Variants in PPP1R1C observed in about 807,000 individuals in gnomAD.
PPP1R1C encodes the protein protein phosphatase 1 regulatory subunit 1C.
A neutral mutation model predicts 17.4 loss-of-function variants in PPP1R1C; 15 were observed. The ratio of observed to expected loss-of-function variants is 0.86; its 90% CI spans 0.58 to 1.33. The LOEUF (loss-of-function observed/expected upper bound fraction) is 1.33. PPP1R1C is among the 40% of genes most tolerant of loss of function. The pLI is 0.00. For missense variants in PPP1R1C, 143 were observed against 130.0 expected (o/e 1.10, Z -0.48); for synonymous variants, 35 against 43.1 (o/e 0.81, Z 0.73).
downstream of PPP1R1C, among the ~76,000 whole-genome samples, chr2:182,122,553 T>C (rs1689758672): frequency 7.2e-5 from 11 of 152,168 alleles, no homozygotes; most frequent in Admixed American, 7.2e-4. Context: ...ACTAGTTTTT[T>C]GTTTTTTTGA....
At chr2:182,121,995 C>T (rs949620497), downstream of PPP1R1C, among the ~76,000 whole-genome samples, 3 of 152,170 alleles carry the variant, frequency 2.0e-5, no homozygotes, top group Non-Finnish European at 4.4e-5. Flanking sequence ...CTTCTCTTCT[C>T]CTCCTGGCCA....
chr2:182,115,977 G>A (rs370028943), intron 4 of PPP1R1C, among the ~76,000 whole-genome samples: 5 of 151,986 alleles, frequency 3.3e-5, no homozygotes, highest in South Asian at 4.1e-4. Context: ...AATTGCCCAC[G>A]TTAACTATCA....
At chr2:182,040,399 A>G (rs757976263) in intron 2 of PPP1R1C, among the ~76,000 whole-genome samples, 5 of 152,122 alleles carry the variant, frequency 3.3e-5, no homozygotes, top group African/African-American at 9.7e-5. Flanking sequence ...TTCCCTGATG[A>G]TTAGTGATAT....
In PPP1R1C at chr2:182,108,276, T is replaced by C. The variant is rs1277514304; in HGVS notation, c.242-8931T>C. On this transcript the variant is annotated intron_variant, in intron 4 of 4. Transcript: ENST00000682840. ...GTTCCTATAGCTAATACAGTATTTC[T>C]TAGCTCTCTCTTGCAGAAGAACTTC... is the stretch of plus-strand genomic sequence containing the variant. Among the ~76,000 whole-genome samples the C allele has an allele frequency of 2.6e-5, 4 of 152,184 alleles. No homozygotes were observed. The East Asian group carries it at 5.8e-4, about 22-fold the overall frequency.
intron 4 of PPP1R1C, chr2:182,103,924 T>A (rs759800116): frequency 6.6e-5 from 10 of 152,260 alleles, no homozygotes; most frequent in Admixed American, 2.6e-4. Context: ...AAAGTTTCAG[T>A]AACAGGAGAA....
chr2:182,063,821 A>G, intron 4 of PPP1R1C, 30 bp downstream of exon 4: 1 of 1,577,204 alleles, frequency 6.3e-7, no homozygotes, highest in Non-Finnish European at 8.7e-7. Flanking sequence ...TCGGGTTGTC[A>G]TGAGTGGTGA....
At chr2:182,045,780 A>C (rs546379184) in intron 2 of PPP1R1C, among the ~76,000 whole-genome samples, 1 of 152,272 alleles carries the variant, frequency 6.6e-6, no homozygotes, top group South Asian at 2.1e-4. Context: ...TGATTCATCC[A>C]TGCAAGATAT....
At chr2:182,118,487 T>C (rs571358889), downstream of PPP1R1C, among the ~76,000 whole-genome samples, 4 of 151,982 alleles carry the variant, frequency 2.6e-5, no homozygotes, top group Non-Finnish European at 5.9e-5. Flanking sequence ...GGATAAAAAA[T>C]AAAAAGATTT....
intron 5 of PPP1R1C, among the ~76,000 whole-genome samples, chr2:182,126,172 A>G (rs1036085900): frequency 1.3e-5 from 2 of 152,008 alleles, no homozygotes; most frequent in Non-Finnish European, 1.5e-5. Context: ...TATTTTTTTA[A>G]AAGTCTTTAT....
At chr2:182,045,187 G>A (rs575442892) in intron 2 of PPP1R1C, among the ~76,000 whole-genome samples, 2 of 152,100 alleles carry the variant, frequency 1.3e-5, no homozygotes, top group Admixed American at 1.3e-4. Context: ...TAAGATTTTC[G>A]GGATAGGTAA....
At chr2:182,037,064 A>C (rs918698396) in intron 2 of PPP1R1C, among the ~76,000 whole-genome samples, 2 of 152,222 alleles carry the variant, frequency 1.3e-5, no homozygotes, top group Admixed American at 1.3e-4. Context: ...AAAATAACAT[A>C]CCATTAAACA....
intron 2 of PPP1R1C, among the ~76,000 whole-genome samples, chr2:182,025,165 A>G (rs917104834): frequency 6.7e-6 from 1 of 148,270 alleles, no homozygotes; most frequent in Non-Finnish European, 1.5e-5. Context: ...CCAAACCTCA[A>G]GTAAATAAAA....
chr2:182,003,821 T>G (rs1316271246), intron 2 of PPP1R1C, among the ~76,000 whole-genome samples: 2 of 152,118 alleles, frequency 1.3e-5, no homozygotes, highest in African/African-American at 4.8e-5. Context: ...CATCCCCTTT[T>G]CATTAACTTT....
At position 181,986,125 on chromosome 2, in the gene PPP1R1C, T is replaced by C. The variant is rs778939914; in HGVS notation, c.15T>C (p.Ser5=). The C allele has an allele frequency of 9.9e-6, 16 of 1,613,484 alleles. No individual in the cohort carries two copies. The East Asian group carries it at 3.6e-4, about 36-fold the overall frequency. The stretch of plus-strand genomic sequence containing the variant: ...TCATCATTACCATGGAGCCCAACAG[T>C]CCCAAAAAGATACAGTTTGCCGTGC... MEPN[S]PKKIQFAVPV... The change falls in exon 1 of 5, where the codon AGT becomes AGC. Residue 5 remains serine, a synonymous_variant. Coordinates refer to ENST00000682840, the MANE Select transcript of PPP1R1C (RefSeq NM_001080545.3).
intron 2 of PPP1R1C, among the ~76,000 whole-genome samples, chr2:182,034,339 T>C (rs569473228): frequency 6.6e-6 from 1 of 152,078 alleles, no homozygotes; most frequent in East Asian, 1.9e-4. Context: ...GTCTAGGTGG[T>C]CCAAGAGGGC....
chr2:182,123,979 G>A (rs1448429033), intron 5 of PPP1R1C, among the ~76,000 whole-genome samples: 1 of 152,052 alleles, frequency 6.6e-6, no homozygotes, highest in Non-Finnish European at 1.5e-5. Flanking sequence ...GGGTTTTTAT[G>A]GTTTTAGTTC....
chr2:182,030,659 T>A, intron 2 of PPP1R1C, among the ~76,000 whole-genome samples: 2 of 147,244 alleles, frequency 1.4e-5, no homozygotes, highest in South Asian at 2.2e-4. Flanking sequence ...GTTACTGCTG[T>A]CTTTTTGTTT....
At position 182,063,607 on chromosome 2, in the gene PPP1R1C, C is replaced by T. The variant is rs1052879853; in HGVS notation, c.181-124C>T. ...ATTTCTCATTAATTAGATTCTATTT[C>T]ATGACAGGGAGAAATCAGAAAGCTT... On this transcript the variant is annotated intron_variant, in intron 3 of 4. Coordinates refer to ENST00000682840, the MANE Select transcript of PPP1R1C (RefSeq NM_001080545.3). The T allele has an allele frequency of 1.1e-5, 8 of 750,900 alleles. No individual in the cohort carries two copies. The Admixed American group carries it at 1.2e-4, about 11-fold the overall frequency. 46.5% of individuals were successfully genotyped at this position (750,900 alleles called of 1,614,324 possible).
intron 4 of PPP1R1C, among the ~76,000 whole-genome samples, chr2:182,076,702 A>G (rs1394524095): frequency 6.6e-6 from 1 of 152,140 alleles, no homozygotes; most frequent in Non-Finnish European, 1.5e-5. Flanking sequence ...AATTTTCTTC[A>G]AAATACTTTT....
Sources: allele counts gnomAD v4.1 joint callset (sites outside exome capture counted in the v4.1 genomes callset), GRCh38; gene constraint gnomAD v4.1.1; transcripts MANE v1.5; gene names NCBI Gene and HGNC (gene_info 2026-07-23, HGNC 2026-07-21).